The following DCBLD2 variants were observed in gnomAD, a reference collection of about 807,000 sequenced individuals.
DCBLD2 encodes the protein discoidin, CUB and LCCL domain containing 2.
In DCBLD2, 54 loss-of-function variants were observed where a neutral mutation model predicts 86.8. The observed-to-expected ratio is 0.62, with a 90% confidence interval of 0.50 to 0.78. The LOEUF (loss-of-function observed/expected upper bound fraction) is 0.78. Among genes scored for constraint, DCBLD2 ranks in the 30% least tolerant of loss-of-function variants. The pLI is 0.00. For synonymous variants in DCBLD2, 354 were observed against 341.3 expected, an observed-to-expected ratio of 1.04 and a Z score of -0.41; for missense variants, 908 against 954.2, an observed-to-expected ratio of 0.95 and a Z score of 0.64.
chr3:98,901,184 G>A lies in DCBLD2; in HGVS notation c.143C>T (p.Pro48Leu), dbSNP rs1301885121. 5 of 1,537,522 alleles carry A rather than the reference G, an allele frequency of 3.3e-6. No homozygotes were observed. The highest frequency in any genetic ancestry group is 4.4e-6 in the Non-Finnish European group (5 of 1,146,748). ...GACAAGTAAGAGCAGGAGGAACAGA[G>A]GCATGGAGAAGGAGGAGGAGTTGGA... is the stretch of plus-strand genomic sequence containing the variant. The part of the protein sequence containing the change: ...PCSNSSSFSM[P>L]LFLLLLLVLL... The change falls in exon 1 of 16, where the codon CCT becomes CTT. Residue 48 changes from proline (P) to leucine (L), a missense_variant. This residue lies in a region of DCBLD2 where 294 missense variants were observed against 256.0 expected (regional missense o/e 1.15). Transcript: ENST00000326840.
intron 2 of DCBLD2, among the ~76,000 whole-genome samples, chr3:98,866,099 C>T (rs982611801): frequency 3.3e-5 from 5 of 152,054 alleles, no homozygotes; most frequent in African/African-American, 7.2e-5. Context: ...TTTCTTAATC[C>T]AGTCTATCAT....
At chr3:98,875,820 T>C (rs1943358408) in intron 2 of DCBLD2, among the ~76,000 whole-genome samples, 2 of 152,094 alleles carry the variant, frequency 1.3e-5, no homozygotes. Context: ...AACTTTTAAA[T>C]GCATGGTGAT....
At chr3:98,851,754 C>A (rs1158754765) in intron 2 of DCBLD2, among the ~76,000 whole-genome samples, 1 of 152,202 alleles carries the variant, frequency 6.6e-6, no homozygotes, top group African/African-American at 2.4e-5. Context: ...TGGAACAGAA[C>A]AGAGGCTTCA....
intron 2 of DCBLD2, among the ~76,000 whole-genome samples, chr3:98,878,416 C>A (rs543763735): frequency 6.6e-6 from 1 of 152,086 alleles, no homozygotes; most frequent in South Asian, 2.1e-4. Context: ...ATGTGAACAT[C>A]AGAAACACAG....
intron 14 of DCBLD2, among the ~76,000 whole-genome samples, chr3:98,801,022 T>G (rs1941708594): frequency 1.3e-5 from 2 of 152,146 alleles, no homozygotes. Context: ...TTTTCCAAGA[T>G]CTACCCTGGG....
chr3:98,822,993 C>T (rs1942150994), intron 4 of DCBLD2, among the ~76,000 whole-genome samples: 1 of 152,180 alleles, frequency 6.6e-6, no homozygotes, highest in African/African-American at 2.4e-5. Context: ...CTGGCTCAGC[C>T]TCCCGAGTAG....
At chr3:98,868,838 T>C (rs1404036867) in intron 2 of DCBLD2, among the ~76,000 whole-genome samples, 7 of 152,226 alleles carry the variant, frequency 4.6e-5, no homozygotes, top group African/African-American at 1.7e-4. Context: ...ACATCATATA[T>C]ATATAACATT....
chr3:98,853,158 G>A (rs574804380), intron 2 of DCBLD2, among the ~76,000 whole-genome samples: 2 of 152,322 alleles, frequency 1.3e-5, no homozygotes, highest in South Asian at 2.1e-4. Context: ...GAGGTATGGA[G>A]GCGAAGTTAG....
At chr3:98,897,032 C>T (rs1943762015) in intron 1 of DCBLD2, among the ~76,000 whole-genome samples, 1 of 152,164 alleles carries the variant, frequency 6.6e-6, no homozygotes, top group African/African-American at 2.4e-5. Context: ...GTAAATCTAG[C>T]CCTTTCCCAC....
In DCBLD2 at chr3:98,811,248, T is replaced by C; in HGVS notation, c.1522A>G (p.Thr508Ala). 1.2e-6 allele frequency: 2 copies of C among 1,612,670 alleles called. No homozygotes were observed. Among genetic ancestry groups the C allele is most frequent in the Non-Finnish European group, 1.7e-6 (2 of 1,179,378 alleles). The change falls in exon 12 of 16, where the codon ACA (threonine) becomes GCA (alanine). Residue 508 changes from threonine (T) to alanine (A), a missense_variant. This residue lies in a region of DCBLD2 where 606 missense variants were observed against 678.5 expected (regional missense o/e 0.89). Transcript: ENST00000326840. ...SNEFPAQTEQ[T>A]TASPDIRNTT... ...TTTCTGATATCAGGACTGGCAGTTG[T>C]TTGTTCTGTCTGTGCAGGAAATTCA...
At chr3:98,870,483 T>C (rs1394830202) in intron 2 of DCBLD2, among the ~76,000 whole-genome samples, 2 of 151,828 alleles carry the variant, frequency 1.3e-5, no homozygotes, top group Non-Finnish European at 1.5e-5. Context: ...AAATGGTGTT[T>C]TTGGCAGGAT....
At chr3:98,820,205 A>G in intron 7 of DCBLD2, 43 bp downstream of exon 7, 5 of 1,292,416 alleles carry the variant, frequency 3.9e-6, no homozygotes, top group African/African-American at 1.6e-5. Flanking sequence ...TGTTCAAAAA[A>G]TATTATATAA....
intron 3 of DCBLD2, among the ~76,000 whole-genome samples, chr3:98,842,518 C>G (rs1942639417): frequency 6.6e-6 from 1 of 152,184 alleles, no homozygotes; most frequent in Non-Finnish European, 1.5e-5. Context: ...AGACACTATA[C>G]TAGGTATTTT....
chr3:98,803,783 T>A (rs192055315), intron 13 of DCBLD2, among the ~76,000 whole-genome samples: 64 of 152,362 alleles, frequency 4.2e-4, no homozygotes, highest in African/African-American at 1.3e-3. Flanking sequence ...AAAGGCCTTT[T>A]CTGCATTTAT....
chr3:98,870,745 G>GAAAGAAAGA (rs1258851526), intron 2 of DCBLD2, among the ~76,000 whole-genome samples: 39 of 79,656 alleles, frequency 4.9e-4, no homozygotes, highest in African/African-American at 1.8e-3. Context: ...GAAAAAGAAA[G>GAAAGAAAGA]AAAGAAAGAA....
intron 2 of DCBLD2, among the ~76,000 whole-genome samples, chr3:98,859,100 G>T (rs1424531192): frequency 1.3e-5 from 2 of 152,162 alleles, no homozygotes; most frequent in Non-Finnish European, 2.9e-5. Context: ...GGCTCGGAGG[G>T]TCCTACGCCA....
At chr3:98,835,605 A>C (rs1942425097) in intron 3 of DCBLD2, among the ~76,000 whole-genome samples, 1 of 144,662 alleles carries the variant, frequency 6.9e-6, no homozygotes. Context: ...CCTTGAGTGC[A>C]ATGGTGCAAT....
chr3:98,838,981 C>T (rs1942548982), intron 3 of DCBLD2, among the ~76,000 whole-genome samples: 1 of 150,642 alleles, frequency 6.6e-6, no homozygotes, highest in Admixed American at 6.6e-5. Context: ...GCCGAGATGG[C>T]AGCAGTACAG....
chr3:98,870,365 T>C (rs542351874), intron 2 of DCBLD2, among the ~76,000 whole-genome samples: 89 of 152,296 alleles, frequency 5.8e-4, no homozygotes, highest in African/African-American at 1.9e-3. Flanking sequence ...AACTTAAAGA[T>C]AGCTAATGTG....
Sources: gnomAD v4.1 joint callset for allele counts (sites outside exome capture counted in the v4.1 genomes callset) on GRCh38, gnomAD v4.1.1 for gene constraint, gnomAD v4.1.1 regional missense constraint, MANE v1.5 for transcripts, NCBI Gene and HGNC (gene_info 2026-07-23, HGNC 2026-07-21) for gene names.